Variants in SLFN13 observed in about 807,000 individuals in gnomAD.
SLFN13 encodes schlafen family member 13.
SLFN13 carries 43 observed loss-of-function variants against 50.6 expected under a neutral mutation model. That is an observed-to-expected ratio of 0.85 (90% CI 0.67 to 1.09). The LOEUF is 1.09. SLFN13 is among the 50% of genes least tolerant of loss of function. The pLI, the probability that SLFN13 is intolerant of heterozygous loss-of-function variation, is 0.00. For missense variants in SLFN13, 881 were observed against 1,071.1 expected (o/e 0.82, Z 2.48); for synonymous variants, 339 against 386.5 (o/e 0.88, Z 1.44).
chr17:35,445,958 C>T, intron 2 of SLFN13: 2 of 299,678 alleles, frequency 6.7e-6, no homozygotes, highest in Non-Finnish European at 1.2e-5. Context: ...GACCATGGTT[C>T]CATAAGACTT....
rs199776972 is a variant in SLFN13, at chr17:35,441,970, G to T, written c.1515C>A (p.Thr505=). Residue 505 remains threonine (T), a synonymous_variant, in exon 5 of 6, where the codon ACC becomes ACA. Coordinates refer to ENST00000285013, the MANE Select transcript of SLFN13 (RefSeq NM_144682.6). ...CCTTGGCCCTGACACACACCTTCCC[G>T]GTGTAGCCCCCCATGTTCACTAGCT... The part of the protein sequence containing the change: ...KQKLVNMGGY[T]GKVCVRAKVL... 1.9e-6 allele frequency: 3 copies of T among 1,613,754 alleles called. No homozygotes were observed. The highest frequency in any genetic ancestry group is 2.5e-6 in the Non-Finnish European group (3 of 1,179,810).
rs1597799485 is a variant in SLFN13, at chr17:35,439,779, C to T, written c.*816G>A. The T allele has an allele frequency of 1.3e-5, 2 of 152,044 alleles. No homozygotes were observed. Among genetic ancestry groups the T allele is most frequent in the Middle Eastern group, 3.2e-3 (1 of 316 alleles). 9.4% of individuals were successfully genotyped at this position (152,044 alleles called of 1,614,324 possible). A position where few individuals can be genotyped will look rare whatever the true frequency, so the allele number is the denominator to read the frequency against. ...GGTGTGAGCCACCGTGCCTGGCCAA[C>T]GCTCATTGATTTTTAAAGAAAATCT... On this transcript the variant is annotated 3_prime_UTR_variant, in exon 6 of 6. Transcript: ENST00000285013.
chr17:35,447,842 G>A (rs1913296113), intron 1 of SLFN13, among the ~76,000 whole-genome samples: 1 of 150,696 alleles, frequency 6.6e-6, no homozygotes, highest in African/African-American at 2.5e-5. Context: ...TGGGTACAGG[G>A]TAATGGCAAT....
chr17:35,444,923 C>T lies in SLFN13; in HGVS notation c.758G>A (p.Ser253Asn), dbSNP rs1211390806. ...GYLFIGVDDK[S>N]RKVLGCAKEQ... is the part of the protein sequence containing the mutation. Reference sequence around the variant, plus strand: ...TTTGGCACATCCCAGGACTTTCCTACTCTTATCATCCACTCCAATAAAAAG... The same window carrying T: ...TTTGGCACATCCCAGGACTTTCCTATTCTTATCATCCACTCCAATAAAAAG... Residue 253 changes from serine to asparagine, a missense_variant, in exon 3 of 6, where the codon AGT becomes AAT. Physicochemically the swap from Ser to Asn is conservative, Grantham distance 46. Transcript: ENST00000285013. 6.2e-7 allele frequency: 1 copy of T among 1,614,208 alleles called. No individual in the cohort carries two copies. Among genetic ancestry groups the T allele is most frequent in the Non-Finnish European group, 8.5e-7 (1 of 1,180,042 alleles).
chr17:35,442,404 A>G, intron 4 of SLFN13, 118 bp from the exon 5 acceptor site: 2 of 1,197,750 alleles, frequency 1.7e-6, no homozygotes, highest in Non-Finnish European at 2.3e-6. Context: ...TTTAACAGAA[A>G]TTCCTTCTGG....
In SLFN13 at chr17:35,444,831, G is replaced by T. The variant is rs1260760552; in HGVS notation, c.850C>A (p.His284Asn). The T allele has an allele frequency of 5.7e-5, 92 of 1,614,080 alleles. No homozygotes were observed. Among genetic ancestry groups the T allele is most frequent in the Non-Finnish European group, 7.4e-5 (87 of 1,180,030 alleles). The change falls in exon 3 of 6, where the codon CAT becomes AAT. Residue 284 changes from histidine to asparagine, a missense_variant. His to Asn is a moderately conservative substitution (Grantham distance 68). Transcript: ENST00000285013. ...ACCCGAGGTTTTGAAGAGCAAAAAT[G>T]AACAATGGGCAACTTAGAAATTGCT... ...ARAISKLPIV[H>N]FCSSKPRVEY...
In SLFN13 at chr17:35,441,523, G is replaced by A. The variant is rs367908064; in HGVS notation, c.1922+40C>T. The A allele has an allele frequency of 5.9e-4, 951 of 1,611,116 alleles. 4 individuals carry two copies. Among genetic ancestry groups the A allele is most frequent in the Middle Eastern group, 1.5e-3 (9 of 6,058 alleles). On this transcript the variant is annotated intron_variant, in intron 5 of 5. Coordinates refer to ENST00000285013, the MANE Select transcript of SLFN13 (RefSeq NM_144682.6). ...GACTTAGCAGAAAAAATTAAACCCAGATTAAATAAAACTTAAAGACGTAAG... is the reference window on the plus strand; with the variant it reads ...GACTTAGCAGAAAAAATTAAACCCAAATTAAATAAAACTTAAAGACGTAAG...
rs556143407 is a variant in SLFN13, at chr17:35,438,677, G to A, written c.*1918C>T. The A allele has an allele frequency of 2.0e-4, 31 of 152,054 alleles. No homozygotes were observed. The highest frequency in any genetic ancestry group is 3.7e-4 in the Non-Finnish European group (25 of 68,006). 9.4% of individuals were successfully genotyped at this position (152,054 alleles called of 1,614,324 possible). A position where few individuals can be genotyped will look rare whatever the true frequency, so the allele number is the denominator to read the frequency against. ...CCTACAATTTCAAGGCTAGACAACTGGAATTCCATGAGTTAACACAAATAG... is the reference window on the plus strand; with the variant it reads ...CCTACAATTTCAAGGCTAGACAACTAGAATTCCATGAGTTAACACAAATAG... On this transcript the variant is annotated 3_prime_UTR_variant, in exon 6 of 6. Transcript: ENST00000285013.
chr17:35,440,497 G>T lies in SLFN13; in HGVS notation c.*98C>A. The T allele has an allele frequency of 7.1e-7, 1 of 1,401,120 alleles. No homozygotes were observed. The highest frequency in any genetic ancestry group is 1.8e-4 in the Middle Eastern group (1 of 5,446). The allele number at this position is 1,401,120 out of a possible 1,614,324, so 86.8% of individuals were successfully genotyped here. ...GTCAGCTCTGTCCAAATCTCTAACT[G>T]ACTTGTGAACTAAAAAGAAAGGTTT... On this transcript the variant is annotated 3_prime_UTR_variant, in exon 6 of 6. Transcript: ENST00000285013.
Position 35,438,494 on chromosome 17 carries a change from G to A in SLFN13, c.*2101C>T, listed in dbSNP as rs1912701702. 1 of 152,076 alleles carries A rather than the reference G, an allele frequency of 6.6e-6. No individual in the cohort carries two copies. Among genetic ancestry groups the A allele is most frequent in the African/African-American group, 2.4e-5 (1 of 41,442 alleles). 9.4% of individuals were successfully genotyped at this position (152,076 alleles called of 1,614,324 possible). A position where few individuals can be genotyped will look rare whatever the true frequency, so the allele number is the denominator to read the frequency against. ...GACTTTTAAAGAATTACTCTCAAAGGCTGAAATAACTCCAAAGACCAGGGA... is the reference window on the plus strand; with the variant it reads ...GACTTTTAAAGAATTACTCTCAAAGACTGAAATAACTCCAAAGACCAGGGA... On this transcript the variant is annotated 3_prime_UTR_variant, in exon 6 of 6. Coordinates refer to ENST00000285013, the MANE Select transcript of SLFN13 (RefSeq NM_144682.6).
chr17:35,440,677 C>T lies in SLFN13; in HGVS notation c.2612G>A (p.Arg871Lys), dbSNP rs150489784. 24 of 1,614,132 alleles carry T rather than the reference C, an allele frequency of 1.5e-5. No individual in the cohort carries two copies. The Admixed American group carries it at 2.3e-4, about 16-fold the overall frequency. The stretch of plus-strand genomic sequence containing the variant: ...GGGTAAGATAGCTGGGTCAGCTGTC[C>T]TTGGATGGATCCCAAACACTATGCT... ...ERSIVFGIHP[R>K]TADPAILPNI... The change falls in exon 6 of 6, where the codon AGG becomes AAG. Residue 871 changes from arginine to lysine, a missense_variant. Physicochemically the swap from Arg to Lys is conservative, Grantham distance 26. Around this residue, in one of 5 missense-constraint regions of SLFN13, gnomAD observed 322 missense variants for 327.4 expected, o/e 0.98. Transcript: ENST00000285013.
chr17:35,445,790 T>A, intron 2 of SLFN13, 97 bp from the exon 3 acceptor site: 1 of 1,031,392 alleles, frequency 9.7e-7, no homozygotes, highest in African/African-American at 1.6e-5. Context: ...GTCTAATATG[T>A]GCTGGGATAA....
chr17:35,444,746 CAG>C lies in SLFN13; in HGVS notation c.933_934del (p.Val313AspfsTer2). On this transcript the variant is annotated frameshift_variant, in exon 3 of 6. Transcript: ENST00000285013. LOFTEE classifies it high-confidence loss of function. ...ACAGAATGCCTTCACTTTAATCACA[CAG>C]AGATAGCCATACAACTCTTTCCCAC... The C allele has an allele frequency of 6.2e-7, 1 of 1,614,204 alleles. No homozygotes were observed. Among genetic ancestry groups the C allele is most frequent in the Non-Finnish European group, 8.5e-7 (1 of 1,180,044 alleles).
Position 35,445,212 on chromosome 17 carries a change from T to C in SLFN13, c.469A>G (p.Lys157Glu), listed in dbSNP as rs1913140782. The C allele has an allele frequency of 6.2e-7, 1 of 1,613,782 alleles. No homozygotes were observed. Among genetic ancestry groups the C allele is most frequent in the Admixed American group, 1.7e-5 (1 of 60,010 alleles). Residue 157 changes from lysine (K) to glutamate (E), a missense_variant, in exon 3 of 6, where the codon AAG becomes GAG. Lys to Glu is a moderately conservative substitution (Grantham distance 56, BLOSUM62 1). Coordinates refer to ENST00000285013, the MANE Select transcript of SLFN13 (RefSeq NM_144682.6). ...AGATTATATTTGGACTGTCTTTCCTTGGTCTTCAGGAAATCGAATGCCTGT... is the reference window on the plus strand; with the variant it reads ...AGATTATATTTGGACTGTCTTTCCTCGGTCTTCAGGAAATCGAATGCCTGT... ...SRQAFDFLKT[K>E]ERQSKYNLIN...
intron 2 of SLFN13, chr17:35,447,029 G>GA (rs1913246383): frequency 6.6e-6 from 1 of 152,152 alleles, no homozygotes; most frequent in Non-Finnish European, 1.5e-5. Context: ...TAAGCTGATA[G>GA]TTTTTCATTG....
At position 35,441,457 on chromosome 17, in the gene SLFN13, G is replaced by A. The variant is rs2681066; in HGVS notation, c.1923-91C>T. 8.4e-5 allele frequency: 134 copies of A among 1,586,882 alleles called. No homozygotes were observed. The Admixed American group carries it at 9.4e-4, about 11-fold the overall frequency. On this transcript the variant is annotated intron_variant, in intron 5 of 5. Transcript: ENST00000285013. ...CATGTTCCTCCGAGCACAGTATATT[G>A]CCACAGATCATTTTACCACTCAATT...
chr17:35,443,878 C>A lies in SLFN13; in HGVS notation c.1109G>T (p.Ser370Ile). The change falls in exon 4 of 6, where the codon AGT becomes ATT. Residue 370 changes from serine (S) to isoleucine (I), a missense_variant. By Grantham distance (142) the Ser-to-Ile change is moderately radical (BLOSUM62 -2). Transcript: ENST00000285013. Reference protein sequence around the residue: ...DFAEAFESQLSLSDSPSLCRP... With the variant: ...DFAEAFESQLILSDSPSLCRP... ...GCAAAGTGAAGGACTGTCAGATAGACTCAACTGAGACTCAAAGGCCTCAGC... is the reference window on the plus strand; with the variant it reads ...GCAAAGTGAAGGACTGTCAGATAGAATCAACTGAGACTCAAAGGCCTCAGC... 2 of 1,613,906 alleles carry A rather than the reference C, an allele frequency of 1.2e-6. No individual in the cohort carries two copies. The highest frequency in any genetic ancestry group is 4.5e-5 in the East Asian group (2 of 44,888).
In SLFN13 at chr17:35,440,859, A is replaced by G; in HGVS notation, c.2430T>C (p.Ala810=). ...CTTCTGTCACGGTGCTGACAAGCAC[A>G]GCAACATCCTTTGGAGAATAGCCCC... ...FERGYSPKDV[A]VLVSTVTEVE... The change falls in exon 6 of 6, where the codon GCT becomes GCC. Residue 810 remains alanine (A), a synonymous_variant. Coordinates refer to ENST00000285013, the MANE Select transcript of SLFN13 (RefSeq NM_144682.6). 1.2e-6 allele frequency: 2 copies of G among 1,614,178 alleles called. No homozygotes were observed. The highest frequency in any genetic ancestry group is 1.6e-4 in the Middle Eastern group (1 of 6,062).
Position 35,439,975 on chromosome 17 carries a change from A to G in SLFN13, c.*620T>C, listed in dbSNP as rs1033248647. 3.3e-5 allele frequency: 5 copies of G among 152,372 alleles called. No homozygotes were observed. Among genetic ancestry groups the G allele is most frequent in the African/African-American group, 1.2e-4 (5 of 41,456 alleles). 9.4% of individuals were successfully genotyped at this position (152,372 alleles called of 1,614,324 possible). On this transcript the variant is annotated 3_prime_UTR_variant, in exon 6 of 6. Transcript: ENST00000285013. The stretch of plus-strand genomic sequence containing the variant: ...AGCCTTGGTCTGGGTTATTCTGATA[A>G]CAAACTCTGGAGATCACAATTTTAA...
Sources: gnomAD v4.1 joint callset for allele counts (sites outside exome capture counted in the v4.1 genomes callset) on GRCh38, gnomAD v4.1.1 for gene constraint, gnomAD v4.1.1 regional missense constraint, MANE v1.5 for transcripts, NCBI Gene and HGNC (gene_info 2026-07-23, HGNC 2026-07-21) for gene names.